The following POLR3C variants were observed in gnomAD, a reference collection of about 807,000 sequenced individuals.
The protein encoded by POLR3C is DNA-directed RNA polymerase III subunit RPC3.
In POLR3C, 44 loss-of-function variants were observed where a neutral mutation model predicts 65.9. That is an observed-to-expected ratio of 0.67 (90% CI 0.52 to 0.86). POLR3C has a LOEUF of 0.86. Among genes scored for constraint, POLR3C ranks in the 40% least tolerant of loss-of-function variants. The pLI is 0.00. For synonymous variants in POLR3C, 263 were observed against 231.6 expected, an observed-to-expected ratio of 1.14 and a Z score of -1.23; for missense variants, 576 against 653.2, an observed-to-expected ratio of 0.88 and a Z score of 1.29.
At chr1:145,842,244 C>T in intron 14 of POLR3C, 95 bp from the exon 15 acceptor site, 1 of 710,566 alleles carries the variant, frequency 1.4e-6, no homozygotes, top group South Asian at 1.7e-5. Context: ...CAAGGGTAAC[C>T]AAGCAGTTAT....
chr1:145,842,084 T>C (rs1396680984), intron 14 of POLR3C, among the ~76,000 whole-genome samples: 1 of 152,168 alleles, frequency 6.6e-6, no homozygotes, highest in Admixed American at 6.6e-5. Flanking sequence ...TTACGTTCGT[T>C]TTCCTGATTG....
At position 145,826,436 on chromosome 1, in the gene POLR3C, T is replaced by C. The variant is rs1553725740; in HGVS notation, c.148-18T>C. Reference sequence around the variant, plus strand: ...CTTCAGGTCTTTCCTCTCTTTCTTCTCTTTATGTTCCATTTAGGTGAAGAA... The same window carrying C: ...CTTCAGGTCTTTCCTCTCTTTCTTCCCTTTATGTTCCATTTAGGTGAAGAA... On this transcript the variant is annotated intron_variant, in intron 2 of 14. Transcript: ENST00000334163. The C allele has an allele frequency of 1.2e-6, 2 of 1,609,106 alleles. No individual in the cohort carries two copies. Among genetic ancestry groups the C allele is most frequent in the East Asian group, 4.5e-5 (2 of 44,756 alleles).
At chr1:145,832,710 G>A (rs906491289) in intron 5 of POLR3C, among the ~76,000 whole-genome samples, 21 of 152,154 alleles carry the variant, frequency 1.4e-4, no homozygotes, top group African/African-American at 5.1e-4. Context: ...AGACTTGAAA[G>A]TAATGGAGAA....
chr1:145,830,311 A>G (rs587773485), intron 5 of POLR3C, among the ~76,000 whole-genome samples: 6 of 148,398 alleles, frequency 4.0e-5, no homozygotes, highest in South Asian at 2.1e-4. Context: ...TTTTAAAGGG[A>G]AAAAAAAAAA....
At position 145,826,879 on chromosome 1, in the gene POLR3C, C is replaced by T. The variant is rs2101630864; in HGVS notation, c.463C>T (p.His155Tyr). Residue 155 changes from histidine (H) to tyrosine (Y), a missense_variant, in exon 4 of 15, where the codon CAC (histidine) becomes TAC (tyrosine). His to Tyr is a moderately conservative substitution (Grantham distance 83). Coordinates refer to ENST00000334163, the MANE Select transcript of POLR3C (RefSeq NM_006468.8). ...CACATTTGTGCGACTGGCAGACACA[C>T]ACTTTGTACAACGCTGCCCTTCGGT... is the stretch of plus-strand genomic sequence containing the variant. ...SNTFVRLADT[H>Y]FVQRCPSVPT... The T allele has an allele frequency of 6.2e-7, 1 of 1,613,332 alleles. No individual in the cohort carries two copies.
intron 9 of POLR3C, among the ~76,000 whole-genome samples, chr1:145,837,111 TC>T (rs1246896158): frequency 6.6e-6 from 1 of 152,010 alleles, no homozygotes; most frequent in African/African-American, 2.4e-5. Context: ...GAGTTCAAGA[TC>T]AGCTAAGCAA....
At chr1:145,828,091 T>TA (rs1297459885) in intron 4 of POLR3C, among the ~76,000 whole-genome samples, 4 of 152,044 alleles carry the variant, frequency 2.6e-5, no homozygotes, top group Non-Finnish European at 1.5e-5. Flanking sequence ...TAGTATGTAG[T>TA]AAAAAAATAG....
chr1:145,831,859 T>C (rs782419672), intron 5 of POLR3C, among the ~76,000 whole-genome samples: 19 of 152,172 alleles, frequency 1.2e-4, no homozygotes, highest in Non-Finnish European at 1.5e-4. Context: ...CTGAGCAACA[T>C]GGTGAGACCG....
At chr1:145,827,323 G>A (rs1447423260) in intron 4 of POLR3C, among the ~76,000 whole-genome samples, 16 of 152,180 alleles carry the variant, frequency 1.1e-4, no homozygotes, top group South Asian at 4.1e-4. Context: ...ACTGTAATAA[G>A]TGCCATGAAG....
In POLR3C at chr1:145,842,404, C is replaced by A; in HGVS notation, c.1589C>A (p.Thr530Asn). 1.2e-6 allele frequency: 2 copies of A among 1,606,188 alleles called. No individual in the cohort carries two copies. Among genetic ancestry groups the A allele is most frequent in the Non-Finnish European group, 8.5e-7 (1 of 1,173,384 alleles). The stretch of plus-strand genomic sequence containing the variant: ...CTGCTGGAGTCTTACATTGAGTGCA[C>A]CATGAAGAGACAGTGATCCAGAAGA... The part of the protein sequence containing the change: ...IFLLESYIEC[T>N]MKRQ Residue 530 changes from threonine (T) to asparagine (N), a missense_variant, in exon 15 of 15, where the codon ACC becomes AAC. Physicochemically the swap from Thr to Asn is moderately conservative, Grantham distance 65. Transcript: ENST00000334163.
intron 7 of POLR3C, among the ~76,000 whole-genome samples, chr1:145,834,686 T>C (rs145840085): frequency 6.6e-6 from 1 of 152,020 alleles, no homozygotes; most frequent in East Asian, 2.0e-4. Context: ...ACAACGGCAT[T>C]GTGCTATGAT....
At chr1:145,836,665 G>T in intron 8 of POLR3C, 91 bp downstream of exon 8, 1 of 960,376 alleles carries the variant, frequency 1.0e-6, no homozygotes, top group Non-Finnish European at 1.7e-6. Flanking sequence ...TCCTCCTGCA[G>T]AGTTATTCTC....
chr1:145,825,713 C>T (rs782408033), intron 1 of POLR3C, 44 bp from the exon 2 acceptor site: 6 of 1,295,732 alleles, frequency 4.6e-6, no homozygotes, highest in East Asian at 4.7e-5. Flanking sequence ...CTGCTTCCAG[C>T]GTGAAAGACT....
chr1:145,839,946 G>C lies in POLR3C; in HGVS notation c.1278G>C (p.Val426=), dbSNP rs1652157350. The C allele has an allele frequency of 1.2e-6, 2 of 1,612,322 alleles. No homozygotes were observed. Among genetic ancestry groups the C allele is most frequent in the Non-Finnish European group, 1.7e-6 (2 of 1,178,586 alleles). The part of the protein sequence containing the change: ...APSRTFYLYT[V]NILSAARMLL... ...CCAGGACCTTCTATTTATATACTGTGAACATCCTGTCAGCTGCCCGAATGT... is the reference window on the plus strand; with the variant it reads ...CCAGGACCTTCTATTTATATACTGTCAACATCCTGTCAGCTGCCCGAATGT... Residue 426 remains valine (V), a synonymous_variant, in exon 12 of 15, where the codon GTG becomes GTC. Transcript: ENST00000334163.
intron 2 of POLR3C, 23 bp downstream of exon 2, chr1:145,825,946 TTC>T (rs1553725659): frequency 6.4e-7 from 1 of 1,562,098 alleles, no homozygotes; most frequent in Non-Finnish European, 8.8e-7. Context: ...GACATTCATT[TTC>T]TCTCATTTCT....
chr1:145,834,639 C>T (rs1235385155), intron 7 of POLR3C, among the ~76,000 whole-genome samples: 1 of 152,018 alleles, frequency 6.6e-6, no homozygotes, highest in East Asian at 1.9e-4. Context: ...CATACCACTG[C>T]ACTCCAGCCT....
chr1:145,842,508 A>G lies in POLR3C; in HGVS notation c.*88A>G. ...TGGATGCATTATTTGCAGTGGGATA[A>G]GTCGCAGAGTCTTCAACTAAACCCC... On this transcript the variant is annotated 3_prime_UTR_variant, in exon 15 of 15. Transcript: ENST00000334163. The G allele has an allele frequency of 1.1e-6, 1 of 870,302 alleles. No individual in the cohort carries two copies. Among genetic ancestry groups the G allele is most frequent in the Non-Finnish European group, 2.0e-6 (1 of 511,844 alleles). The allele number at this position is 870,302 out of a possible 1,614,324, so 53.9% of individuals were successfully genotyped here.
At position 145,840,168 on chromosome 1, in the gene POLR3C, A is replaced by G; in HGVS notation, c.1373+3A>G. The G allele has an allele frequency of 1.3e-6, 2 of 1,565,056 alleles. No individual in the cohort carries two copies. Among genetic ancestry groups the G allele is most frequent in the Non-Finnish European group, 1.8e-6 (2 of 1,135,192 alleles). On this transcript the variant is annotated splice_donor_region_variant and intron_variant, in intron 13 of 14. Coordinates refer to ENST00000334163, the MANE Select transcript of POLR3C (RefSeq NM_006468.8). ...CAATTTGAAACCAAAGAGAATAAGTAAGTAACATTTTCAGTTGAGTTATTT... is the reference window on the plus strand; with the variant it reads ...CAATTTGAAACCAAAGAGAATAAGTGAGTAACATTTTCAGTTGAGTTATTT...
chr1:145,835,518 AT>A, intron 7 of POLR3C, among the ~76,000 whole-genome samples: 1 of 151,488 alleles, frequency 6.6e-6, no homozygotes, highest in East Asian at 1.9e-4. Context: ...GGGTATATGT[AT>A]TTTTTAACCC....
Sources: gnomAD v4.1 joint callset for allele counts (sites outside exome capture counted in the v4.1 genomes callset) on GRCh38, gnomAD v4.1.1 for gene constraint, MANE v1.5 for transcripts, NCBI Gene and HGNC (gene_info 2026-07-23, HGNC 2026-07-21) for gene names.